The following R3HDM1 variants were observed in gnomAD, a reference collection of about 807,000 sequenced individuals.
R3HDM1 encodes R3H domain containing 1, also known as R3H domain-containing protein 1.
In R3HDM1, 46 loss-of-function variants were observed where a neutral mutation model predicts 141.1. That is an observed-to-expected ratio of 0.33 (90% CI 0.26 to 0.42). The LOEUF is 0.42. Among genes scored for constraint, R3HDM1 ranks in the 10% least tolerant of loss-of-function variants. The probability of loss-of-function intolerance (pLI) is 1.00; values close to 1 mark genes in which losing one functional copy is unlikely to be tolerated. For missense variants in R3HDM1, 1,184 were observed against 1,368.3 expected (o/e 0.87, Z 2.12); for synonymous variants, 435 against 472.9 (o/e 0.92, Z 1.04).
intron 5 of R3HDM1, chr2:135,620,174 A>T (rs748485670): frequency 2.2e-5 from 9 of 403,330 alleles, no homozygotes; most frequent in Non-Finnish European, 3.0e-5. Context: ...TTTAGTGAAG[A>T]TCTAAGAGGA....
Position 135,650,019 on chromosome 2 carries a change from T to C in R3HDM1, c.1725+16T>C. 1.6e-6 allele frequency: 2 copies of C among 1,235,794 alleles called. No individual in the cohort carries two copies. Among genetic ancestry groups the C allele is most frequent in the Non-Finnish European group, 2.1e-6 (2 of 952,330 alleles). The allele number at this position is 1,235,794 out of a possible 1,614,324, so 76.6% of individuals were successfully genotyped here. A position where few individuals can be genotyped will look rare whatever the true frequency, so the allele number is the denominator to read the frequency against. On this transcript the variant is annotated intron_variant, in intron 17 of 26. Transcript: ENST00000683871. ...ATACTCTGTGGTACTATATCTCTAT[T>C]CACCTCCTGCGTTGTTTCTGTGGGT...
chr2:135,548,896 A>C (rs1036003861), intron 1 of R3HDM1, among the ~76,000 whole-genome samples: 2 of 152,228 alleles, frequency 1.3e-5, no homozygotes, highest in Non-Finnish European at 2.9e-5. Context: ...TGCAGTGCAC[A>C]AAAATCTACT....
intron 18 of R3HDM1, among the ~76,000 whole-genome samples, chr2:135,655,492 TTTGTTGTTGTTG>T (rs543591380): frequency 1.3e-5 from 2 of 151,378 alleles, no homozygotes; most frequent in African/African-American, 4.9e-5. Context: ...TTTTTTTGTT[TTTGTTGTTGTTG>T]TTGTTGTTGT....
chr2:135,659,049 CTG>C (rs548436817), intron 18 of R3HDM1, among the ~76,000 whole-genome samples: 387 of 126,056 alleles, frequency 3.1e-3, no homozygotes, highest in Middle Eastern at 3.9e-3. Flanking sequence ...CTACCTGAGT[CTG>C]TGTGTGTGTG....
chr2:135,596,094 G>A (rs2059154249), intron 1 of R3HDM1, among the ~76,000 whole-genome samples: 1 of 152,060 alleles, frequency 6.6e-6, no homozygotes, highest in East Asian at 1.9e-4. Context: ...CGCCTCCCAG[G>A]CTCCAGCGAT....
At chr2:135,651,520 AT>A (rs1178031989) in intron 17 of R3HDM1, 2 of 945,628 alleles carry the variant, frequency 2.1e-6, no homozygotes, top group East Asian at 1.2e-4. Context: ...CACTAGATAT[AT>A]TTTTTAAATA....
At position 135,665,019 on chromosome 2, in the gene R3HDM1, CAT is replaced by C. The variant is rs372881041; in HGVS notation, c.2152+3627_2152+3628del. On this transcript the variant is annotated intron_variant, in intron 19 of 26. Coordinates refer to ENST00000683871, the MANE Select transcript of R3HDM1 (RefSeq NM_001378107.1). ...TAAAACTCCATAATTCTTTGTGTCT[CAT>C]GTGAGTCATTTCTAGTTCTAAAAGG... Among the ~76,000 whole-genome samples the C allele has an allele frequency of 6.5e-3, 994 of 152,296 alleles. 7 individuals carry two copies. The highest frequency in any genetic ancestry group is 0.023 in the African/African-American group (936 of 41,582).
Position 135,630,296 on chromosome 2 carries a change from A to C in R3HDM1, c.498-1422A>C, listed in dbSNP as rs552908549. Among the ~76,000 whole-genome samples the C allele has an allele frequency of 3.1e-3, 450 of 146,008 alleles. 2 individuals carry two copies. Among genetic ancestry groups the C allele is most frequent in the African/African-American group, 9.5e-3 (355 of 37,264 alleles). On this transcript the variant is annotated intron_variant, in intron 7 of 26. Coordinates refer to ENST00000683871, the MANE Select transcript of R3HDM1 (RefSeq NM_001378107.1). ...CCTTCTCAACCAAAAAAAAAAAAAA[A>C]AAAAAAAAAAAACAAAAAAAAAACG... is the stretch of plus-strand genomic sequence containing the variant.
intron 1 of R3HDM1, chr2:135,558,978 T>C: frequency 2.0e-6 from 2 of 976,372 alleles, no homozygotes; most frequent in Non-Finnish European, 2.4e-6. Flanking sequence ...TTTTAGCCTG[T>C]CTTAACTTTA....
In R3HDM1 at chr2:135,703,319, A is replaced by C. The variant is rs372145574; in HGVS notation, c.2460-6114A>C. Among the ~76,000 whole-genome samples, 9 of 152,270 alleles carry C rather than the reference A, an allele frequency of 5.9e-5. No homozygotes were observed. In the East Asian group the frequency reaches 1.2e-3, roughly 20 times the overall value. ...GGCAAGATTTCCAGCCCAGCTTCTA[A>C]GTTTCCTAGTAAAACATGAAGTATG... On this transcript the variant is annotated intron_variant, in intron 21 of 26. Transcript: ENST00000683871.
At chr2:135,622,433 T>C (rs2061601319) in intron 6 of R3HDM1, 1 of 984,342 alleles carries the variant, frequency 1.0e-6, no homozygotes, top group South Asian at 4.7e-5. Context: ...TTTTTAAGAA[T>C]GTGCGTGGAT....
chr2:135,683,793 T>C (rs576296586), intron 21 of R3HDM1, among the ~76,000 whole-genome samples: 2 of 152,216 alleles, frequency 1.3e-5, no homozygotes, highest in Middle Eastern at 3.4e-3. Context: ...TAAGGGCTAA[T>C]GAATAGAGGC....
At chr2:135,650,782 G>A (rs759995414) in intron 17 of R3HDM1, 202 of 983,590 alleles carry the variant, frequency 2.1e-4, no homozygotes, top group South Asian at 2.8e-4. Flanking sequence ...CTCCATAGCC[G>A]TAATTTACTT....
chr2:135,653,577 A>G (rs188383667), intron 18 of R3HDM1, among the ~76,000 whole-genome samples: 137 of 152,262 alleles, frequency 9.0e-4, no homozygotes, highest in African/African-American at 3.2e-3. Context: ...ATTTTTTATG[A>G]CCCATGACTT....
At position 135,639,922 on chromosome 2, in the gene R3HDM1, C is replaced by G. The variant is rs180779440; in HGVS notation, c.1219+800C>G. ...GACCACCCTGGCCAACATGGCAAAA[C>G]CCCATCTCTACTAAAAATATTTAAA... On this transcript the variant is annotated intron_variant, in intron 14 of 26. Transcript: ENST00000683871. 3.6e-3 allele frequency among the ~76,000 whole-genome samples: 541 copies of G among 152,190 alleles called. 4 individuals are homozygous for G. The highest frequency in any genetic ancestry group is 0.012 in the African/African-American group (509 of 41,532).
At chr2:135,630,300 A>AAAAAAAAAC in intron 7 of R3HDM1, among the ~76,000 whole-genome samples, 1 of 145,662 alleles carries the variant, frequency 6.9e-6, no homozygotes, top group Admixed American at 6.7e-5. Flanking sequence ...AAAAAAAAAA[A>AAAAAAAAAC]AAAAAAAACA....
At position 135,710,142 on chromosome 2, in the gene R3HDM1, C is replaced by A. The variant is rs1219726080; in HGVS notation, c.2647C>A (p.Pro883Thr). The A allele has an allele frequency of 1.9e-6, 3 of 1,613,832 alleles. No individual in the cohort carries two copies. Among genetic ancestry groups the A allele is most frequent in the Non-Finnish European group, 2.5e-6 (3 of 1,179,850 alleles). Reference sequence around the variant, plus strand: ...CAATCCACAATCTTGTGCCCACTCACCCCCGCAGTGGAAACAAAACAAATA... The same window carrying A: ...CAATCCACAATCTTGTGCCCACTCAACCCCGCAGTGGAAACAAAACAAATA... ...PNNPQSCAHSPPQWKQNKYYC... is the reference protein window; with the variant it reads ...PNNPQSCAHSTPQWKQNKYYC... The change falls in exon 23 of 27, where the codon CCC (proline) becomes ACC (threonine). Residue 883 changes from proline to threonine, a missense_variant. Pro to Thr is a conservative substitution (Grantham distance 38). Coordinates refer to ENST00000683871, the MANE Select transcript of R3HDM1 (RefSeq NM_001378107.1).
At chr2:135,675,049 T>C (rs753260607) in intron 19 of R3HDM1, among the ~76,000 whole-genome samples, 1 of 152,116 alleles carries the variant, frequency 6.6e-6, no homozygotes, top group Non-Finnish European at 1.5e-5. Context: ...GATTGTAATA[T>C]GCCCTGAATA....
intron 21 of R3HDM1, among the ~76,000 whole-genome samples, chr2:135,689,189 A>G (rs2071907441): frequency 1.3e-5 from 2 of 152,262 alleles, no homozygotes; most frequent in South Asian, 4.2e-4. Flanking sequence ...CCAGCCCTTT[A>G]GTCTGGTTTT....
Sources: gnomAD v4.1 joint callset for allele counts (sites outside exome capture counted in the v4.1 genomes callset) on GRCh38, gnomAD v4.1.1 for gene constraint, MANE v1.5 for transcripts, NCBI Gene and HGNC (gene_info 2026-07-23, HGNC 2026-07-21) for gene names.